GCC2: variants seen among roughly 807,000 people sequenced by gnomAD.
GCC2 encodes GRIP and coiled-coil domain containing 2, also known as GRIP and coiled-coil domain-containing protein 2.
Under a neutral mutation model 210.6 loss-of-function variants are expected in GCC2, and 120 were observed. The observed-to-expected ratio is 0.57, with a 90% CI of 0.49 to 0.66. The LOEUF (loss-of-function observed/expected upper bound fraction) is 0.66. Among genes scored for constraint, GCC2 ranks in the 30% least tolerant of loss-of-function variants. The pLI is 0.00. For synonymous variants in GCC2, 703 were observed against 652.7 expected, an observed-to-expected ratio of 1.08 and a Z score of -1.17; for missense variants, 1,868 against 1,871.9, an observed-to-expected ratio of 1.00 and a Z score of 0.04.
Position 108,471,544 on chromosome 2 carries a change from G to A in GCC2, c.2215G>A (p.Asp739Asn). 6.2e-7 allele frequency: 1 copy of A among 1,607,282 alleles called. No homozygotes were observed. The highest frequency in any genetic ancestry group is 8.5e-7 in the Non-Finnish European group (1 of 1,176,952). Residue 739 changes from aspartate to asparagine, a missense_variant, in exon 6 of 23, where the codon GAT becomes AAT. Physicochemically the swap from Asp to Asn is conservative, Grantham distance 23 (BLOSUM62 1). This residue lies in a region of GCC2 where 1,847 missense variants were observed against 1,765.2 expected (regional missense o/e 1.05). Coordinates refer to ENST00000309863, the MANE Select transcript of GCC2 (RefSeq NM_181453.4). ...ACTTCAGTTAATGGTTGAAGAGCAA[G>A]ATAATTTAAATAAACTGCTTGAAAA... ...KKLQLMVEEQ[D>N]NLNKLLENEQ...
At chr2:108,490,074 T>G (rs1682338565) in intron 18 of GCC2, 60 bp downstream of exon 18, 5 of 1,134,400 alleles carry the variant, frequency 4.4e-6, no homozygotes, top group Non-Finnish European at 6.1e-6. Context: ...TTGTTGAAAC[T>G]TCTAATATGT....
chr2:108,460,035 G>A (rs1486615304), intron 4 of GCC2, among the ~76,000 whole-genome samples: 1 of 151,968 alleles, frequency 6.6e-6, no homozygotes, highest in Non-Finnish European at 1.5e-5. Context: ...ATTTTTGGTA[G>A]AGACAGGGTT....
chr2:108,463,910 G>T (rs2104432634), intron 4 of GCC2, among the ~76,000 whole-genome samples: 1 of 152,308 alleles, frequency 6.6e-6, no homozygotes, highest in East Asian at 1.9e-4. Context: ...GGTAGCAGCA[G>T]GTTAAGTGGG....
intron 4 of GCC2, among the ~76,000 whole-genome samples, chr2:108,462,886 C>A (rs1164235771): frequency 3.5e-5 from 1 of 28,352 alleles, no homozygotes; most frequent in Non-Finnish European, 6.3e-5. Flanking sequence ...TTTAAAAATT[C>A]TTTTACCCTT....
At chr2:108,506,019 C>T (rs933338811) in intron 22 of GCC2, among the ~76,000 whole-genome samples, 2 of 152,106 alleles carry the variant, frequency 1.3e-5, no homozygotes, top group African/African-American at 4.8e-5. Context: ...CAAATTAAAT[C>T]TTTATCCAAG....
At position 108,449,261 on chromosome 2, in the gene GCC2, G is replaced by A. The variant is rs1213350683; in HGVS notation, c.-14G>A. The A allele has an allele frequency of 1.9e-6, 3 of 1,549,306 alleles. No homozygotes were observed. The highest frequency in any genetic ancestry group is 2.6e-6 in the Non-Finnish European group (3 of 1,145,272). On this transcript the variant is annotated 5_prime_UTR_variant, in exon 1 of 23. Coordinates refer to ENST00000309863, the MANE Select transcript of GCC2 (RefSeq NM_181453.4). ...GGCGGCGGCTGGTTGCGGGCCGGCG[G>A]CGGGCTGGCGGAGATGGAGGTAACT...
chr2:108,449,853 C>T (rs1679823566), intron 2 of GCC2, 164 bp downstream of exon 2: 4 of 595,044 alleles, frequency 6.7e-6, no homozygotes, highest in Non-Finnish European at 1.2e-5. Context: ...CCTGTTTCTC[C>T]CCCGCCCACC....
At chr2:108,456,298 A>C (rs780343674) in intron 4 of GCC2, among the ~76,000 whole-genome samples, 2 of 152,172 alleles carry the variant, frequency 1.3e-5, no homozygotes, top group Non-Finnish European at 2.9e-5. Context: ...GAAATCCCCA[A>C]CTGTTTTGTA....
chr2:108,497,243 A>G lies in GCC2; in HGVS notation c.4782+134A>G, dbSNP rs1682690961. The G allele has an allele frequency of 2.1e-6, 3 of 1,444,608 alleles. No homozygotes were observed. In the East Asian group the frequency reaches 6.9e-5, roughly 33 times the overall value. The allele number at this position is 1,444,608 out of a possible 1,614,324, so 89.5% of individuals were successfully genotyped here. ...GCCATTCTCCTGCCTCAGCCTCCCG[A>G]GTAGCTGGGACTACAGGTGCCCGCC... On this transcript the variant is annotated intron_variant, in intron 21 of 22. Coordinates refer to ENST00000309863, the MANE Select transcript of GCC2 (RefSeq NM_181453.4).
intron 4 of GCC2, among the ~76,000 whole-genome samples, chr2:108,467,767 T>G (rs1680980011): frequency 6.6e-6 from 1 of 152,222 alleles, no homozygotes; most frequent in Non-Finnish European, 1.5e-5. Flanking sequence ...TGGTTTAAAG[T>G]TATGCTGATT....
In GCC2 at chr2:108,492,720, G is replaced by A; in HGVS notation, c.4377G>A (p.Glu1459=). The A allele has an allele frequency of 1.9e-6, 3 of 1,614,126 alleles. No homozygotes were observed. The highest frequency in any genetic ancestry group is 2.5e-6 in the Non-Finnish European group (3 of 1,179,970). Residue 1459 remains glutamate, a synonymous_variant, in exon 19 of 23, where the codon GAG becomes GAA. Coordinates refer to ENST00000309863, the MANE Select transcript of GCC2 (RefSeq NM_181453.4). The part of the protein sequence containing the change: ...HLQEEHRKTV[E]TLQQQLSKME... ...AGGAAGAACACAGAAAGACAGTGGAGACATTACAGCAGCAGCTCTCCAAGA... is the reference window on the plus strand; with the variant it reads ...AGGAAGAACACAGAAAGACAGTGGAAACATTACAGCAGCAGCTCTCCAAGA...
At chr2:108,461,662 C>T (rs577395575) in intron 4 of GCC2, among the ~76,000 whole-genome samples, 125 of 151,820 alleles carry the variant, frequency 8.2e-4, no homozygotes, top group African/African-American at 3.0e-3. Context: ...GCCACCATGC[C>T]CAGCTAATTT....
Position 108,471,694 on chromosome 2 carries a change from T to A in GCC2, c.2365T>A (p.Ser789Thr), listed in dbSNP as rs1347103200. 1 of 1,613,700 alleles carries A rather than the reference T, an allele frequency of 6.2e-7. No homozygotes were observed. The highest frequency in any genetic ancestry group is 8.5e-7 in the Non-Finnish European group (1 of 1,179,762). The change falls in exon 6 of 23, where the codon TCC becomes ACC. Residue 789 changes from serine (S) to threonine (T), a missense_variant. By Grantham distance (58) the Ser-to-Thr change is moderately conservative. Around this residue, in one of 3 missense-constraint regions of GCC2, gnomAD observed 1,847 missense variants for 1,765.2 expected, o/e 1.05. Transcript: ENST00000309863. ...TAATGTCCTACAGGCAGTCGGTGAA[T>A]CCTTGGCAAAAATAAATGAGGAAAA... ...VVNVLQAVGE[S>T]LAKINEEKCN...
intron 4 of GCC2, among the ~76,000 whole-genome samples, chr2:108,462,185 C>T (rs1680625094): frequency 1.4e-5 from 2 of 147,052 alleles, no homozygotes; most frequent in African/African-American, 5.0e-5. Flanking sequence ...TTTGAGATAC[C>T]CCAGTAATTC....
In GCC2 at chr2:108,451,010, C is replaced by T; in HGVS notation, c.64-18C>T. On this transcript the variant is annotated intron_variant, in intron 2 of 22. Coordinates refer to ENST00000309863, the MANE Select transcript of GCC2 (RefSeq NM_181453.4). ...AACATGAGTTATAACAAGTTGGTAA[C>T]ATGACCACATCTTTCAGCTGGAAAC... is the stretch of plus-strand genomic sequence containing the variant. 1 of 1,565,066 alleles carries T rather than the reference C, an allele frequency of 6.4e-7. No homozygotes were observed. The highest frequency in any genetic ancestry group is 8.8e-7 in the Non-Finnish European group (1 of 1,136,746).
In GCC2 at chr2:108,471,477, A is replaced by C; in HGVS notation, c.2148A>C (p.Glu716Asp). ...TGGAGGTTTTTTTGTCTCAAAAAGA[A>C]GATGTTATCCTTAAAGAACATATTA... The part of the protein sequence containing the change: ...RDLEVFLSQK[E>D]DVILKEHITQ... The change falls in exon 6 of 23, where the codon GAA (glutamate) becomes GAC (aspartate). Residue 716 changes from glutamate (E) to aspartate (D), a missense_variant. Around this residue, in one of 3 missense-constraint regions of GCC2, gnomAD observed 1,847 missense variants for 1,765.2 expected, o/e 1.05. Coordinates refer to ENST00000309863, the MANE Select transcript of GCC2 (RefSeq NM_181453.4). 6.2e-7 allele frequency: 1 copy of C among 1,610,262 alleles called. No homozygotes were observed. The highest frequency in any genetic ancestry group is 8.5e-7 in the Non-Finnish European group (1 of 1,178,672).
In GCC2 at chr2:108,486,495, A is replaced by G; in HGVS notation, c.3793-16A>G. The G allele has an allele frequency of 6.2e-7, 1 of 1,613,430 alleles. No homozygotes were observed. Among genetic ancestry groups the G allele is most frequent in the Non-Finnish European group, 8.5e-7 (1 of 1,179,588 alleles). On this transcript the variant is annotated splice_polypyrimidine_tract_variant and intron_variant, in intron 15 of 22. Coordinates refer to ENST00000309863, the MANE Select transcript of GCC2 (RefSeq NM_181453.4). ...GATAGGATTTGCTAAAGCTAAATTT[A>G]AAGATTTACCCCCAGATACAGCTGG... is the stretch of plus-strand genomic sequence containing the variant.
chr2:108,458,975 C>T (rs1351307327), intron 4 of GCC2, among the ~76,000 whole-genome samples: 6 of 151,916 alleles, frequency 3.9e-5, no homozygotes, highest in African/African-American at 1.4e-4. Context: ...TTGGCTTTGG[C>T]TTGTTCTTTC....
intron 2 of GCC2, among the ~76,000 whole-genome samples, chr2:108,450,199 C>A (rs1419531206): frequency 6.6e-6 from 1 of 152,160 alleles, no homozygotes; most frequent in Non-Finnish European, 1.5e-5. Flanking sequence ...TCATGATAAC[C>A]ATGAGATAGG....
Sources: gnomAD v4.1 joint callset for allele counts (sites outside exome capture counted in the v4.1 genomes callset) on GRCh38, gnomAD v4.1.1 for gene constraint, gnomAD v4.1.1 regional missense constraint, MANE v1.5 for transcripts, NCBI Gene and HGNC (gene_info 2026-07-23, HGNC 2026-07-21) for gene names.